The following SPATA7 variants were observed in gnomAD, a reference collection of about 807,000 sequenced individuals.
SPATA7 encodes spermatogenesis associated 7.
A neutral mutation model predicts 51.8 loss-of-function variants in SPATA7; 43 were observed. The observed-to-expected ratio is 0.83, with a 90% CI of 0.65 to 1.07. The LOEUF (loss-of-function observed/expected upper bound fraction) is 1.07. SPATA7 is among the 50% of genes least tolerant of loss of function. The pLI is 0.00. For synonymous variants in SPATA7, 230 were observed against 252.8 expected (o/e 0.91, Z 0.86); for missense variants, 683 against 701.3 (o/e 0.97, Z 0.30).
rs1466421483 is a variant in SPATA7 at position 88,448,251 on chromosome 14, A to G, written c.178-6809A>G. Among the ~76,000 whole-genome samples the G allele has an allele frequency of 4.6e-5, 7 of 152,010 alleles. No homozygotes were observed. In the East Asian group the frequency reaches 1.3e-3, roughly 29 times the overall value. ...TCATTCATTTCATCTTCCATCGCTG[A>G]TACCCTTTCTTCCAGTTGATCGCAT... On this transcript the variant is annotated intron_variant, in intron 3 of 3. Transcript: ENST00000554802.
intron 8 of SPATA7, 134 bp downstream of exon 8, chr14:88,429,597 C>G (rs61975260): frequency 0.22 from 113,390 of 515,468 alleles, 14,193 homozygotes; most frequent in East Asian, 0.26. Flanking sequence ...AATTCAATAA[C>G]AGTTTTAGTT....
rs1445807757 is a variant in SPATA7 at position 88,426,391 on chromosome 14, T to A, written c.532T>A (p.Ser178Thr). 1.2e-6 allele frequency: 2 copies of A among 1,614,146 alleles called. No individual in the cohort carries two copies. The highest frequency in any genetic ancestry group is 2.2e-5 in the South Asian group (2 of 91,080). The change falls in exon 6 of 12, where the codon TCC becomes ACC. Residue 178 changes from serine to threonine, a missense_variant. Coordinates refer to ENST00000393545, the MANE Select transcript of SPATA7 (RefSeq NM_018418.5). ...AAATGGTCCTGAGAAGAACTCCAGT[T>A]CCTCCCCGTCCAGTGTGGATTATGC... ...ITNGPEKNSS[S>T]SPSSVDYAAS...
chr14:88,398,779 G>A (rs939529025), intron 4 of SPATA7, among the ~76,000 whole-genome samples: 2 of 152,066 alleles, frequency 1.3e-5, no homozygotes, highest in East Asian at 1.9e-4. Flanking sequence ...TCAGCCAGGT[G>A]CAGTGGCTCA....
At chr14:88,468,701 GCTTT>G (rs913005491) in intron 4 of SPATA7, among the ~76,000 whole-genome samples, 2 of 152,154 alleles carry the variant, frequency 1.3e-5, no homozygotes, top group Non-Finnish European at 2.9e-5. Context: ...AAATTAAACA[GCTTT>G]ATTTATCGTA....
chr14:88,424,155 G>A (rs1020904005), intron 5 of SPATA7, among the ~76,000 whole-genome samples: 36 of 152,226 alleles, frequency 2.4e-4, no homozygotes, highest in African/African-American at 8.7e-4. Context: ...TCTGATTTCA[G>A]AACTTTACAG....
chr14:88,432,994 A>G, intron 9 of SPATA7, 141 bp from the exon 10 acceptor site: 1 of 652,642 alleles, frequency 1.5e-6, no homozygotes, highest in East Asian at 2.8e-5. Context: ...TTTGTTTTGT[A>G]ATATTCCCCT....
intron 4 of SPATA7, among the ~76,000 whole-genome samples, chr14:88,409,851 A>C (rs866079488): frequency 1.3e-5 from 2 of 152,200 alleles, no homozygotes; most frequent in Non-Finnish European, 2.9e-5. Flanking sequence ...TTATTTACCC[A>C]GTAGTTATTC....
At chr14:88,467,838 A>G in intron 4 of SPATA7, 1 of 309,400 alleles carries the variant, frequency 3.2e-6, no homozygotes. Context: ...TAAAATAGAG[A>G]ATTGTCTAGA....
intron 3 of SPATA7, among the ~76,000 whole-genome samples, chr14:88,446,037 A>G (rs1450997268): frequency 6.6e-6 from 1 of 152,066 alleles, no homozygotes; most frequent in South Asian, 2.1e-4. Context: ...TTTTCTATGG[A>G]TTGGAATAGT....
chr14:88,388,035 C>T (rs2075630397), intron 1 of SPATA7, among the ~76,000 whole-genome samples: 1 of 151,604 alleles, frequency 6.6e-6, no homozygotes, highest in Non-Finnish European at 1.5e-5. Flanking sequence ...ACCCTGTCTC[C>T]ACCAAAAAAT....
chr14:88,401,203 C>T (rs900047472), intron 4 of SPATA7, among the ~76,000 whole-genome samples: 14 of 152,194 alleles, frequency 9.2e-5, no homozygotes, highest in Non-Finnish European at 1.3e-4. Flanking sequence ...ATATGCAAAT[C>T]AACCAATGTG....
chr14:88,458,235 G>C (rs2077297053), downstream of SPATA7, among the ~76,000 whole-genome samples: 1 of 152,164 alleles, frequency 6.6e-6, no homozygotes, highest in African/African-American at 2.4e-5. Flanking sequence ...GATGATGCTG[G>C]CCTCATAAAA....
chr14:88,407,473 G>A (rs2076229191), intron 4 of SPATA7, among the ~76,000 whole-genome samples: 1 of 151,558 alleles, frequency 6.6e-6, no homozygotes, highest in Non-Finnish European at 1.5e-5. Flanking sequence ...GTTTTTTCTT[G>A]TAAATTTAAG....
Position 88,417,813 on chromosome 14 carries a change from T to C in SPATA7, c.372+969T>C, listed in dbSNP as rs2076526917. 4.6e-5 allele frequency among the ~76,000 whole-genome samples: 7 copies of C among 152,210 alleles called. No homozygotes were observed. The South Asian group carries it at 1.4e-3, about 31-fold the overall frequency. On this transcript the variant is annotated intron_variant, in intron 5 of 11. Transcript: ENST00000393545. Reference sequence around the variant, plus strand: ...ATTTTCTTTTTTTGTACTCCTTGTGTCTGGTTATGCTATCCTCATAAAATA... The same window carrying C: ...ATTTTCTTTTTTTGTACTCCTTGTGCCTGGTTATGCTATCCTCATAAAATA...
chr14:88,432,859 TG>T (rs1220078074), intron 9 of SPATA7: 4 of 316,352 alleles, frequency 1.3e-5, no homozygotes, highest in African/African-American at 8.7e-5. Flanking sequence ...GCTTTCTTTT[TG>T]TGTTGTTTAA....
At chr14:88,432,592 T>G (rs1376712516) in intron 9 of SPATA7, 1 of 152,250 alleles carries the variant, frequency 6.6e-6, no homozygotes, top group Non-Finnish European at 1.5e-5. Flanking sequence ...TCCAAACGTT[T>G]TGAGAGAAAA....
intron 5 of SPATA7, among the ~76,000 whole-genome samples, chr14:88,421,544 A>G (rs2076641897): frequency 6.6e-6 from 1 of 152,236 alleles, no homozygotes; most frequent in South Asian, 2.1e-4. Context: ...GACTACACTG[A>G]CAACAGTGGA....
chr14:88,412,248 A>G (rs2076361856), intron 4 of SPATA7, among the ~76,000 whole-genome samples: 1 of 144,794 alleles, frequency 6.9e-6, no homozygotes, highest in South Asian at 2.2e-4. Flanking sequence ...TAAGTTCCTC[A>G]TAGATTCTTG....
intron 3 of SPATA7, among the ~76,000 whole-genome samples, chr14:88,451,936 T>C (rs907950625): frequency 6.6e-6 from 1 of 152,188 alleles, no homozygotes; most frequent in Non-Finnish European, 1.5e-5. Flanking sequence ...TTAGAGATTT[T>C]GTCTTGGTTT....
Sources: gnomAD v4.1 joint callset for allele counts (sites outside exome capture counted in the v4.1 genomes callset) on GRCh38, gnomAD v4.1.1 for gene constraint, MANE v1.5 for transcripts, NCBI Gene and HGNC (gene_info 2026-07-23, HGNC 2026-07-21) for gene names.